Variants in RNF31 observed in about 807,000 individuals in gnomAD.
RNF31 encodes the protein E3 ubiquitin-protein ligase RNF31.
RNF31 carries 38 observed loss-of-function variants against 133.6 expected under a neutral mutation model. That is an observed-to-expected ratio of 0.28 (90% CI 0.22 to 0.37). The LOEUF (loss-of-function observed/expected upper bound fraction) is 0.37, where lower values mean the gene tolerates loss of function less well. Among genes scored for constraint, RNF31 ranks in the 10% least tolerant of loss-of-function variants. The pLI is 1.00. For missense variants in RNF31, 1,118 were observed against 1,394.1 expected, an observed-to-expected ratio of 0.80 and a Z score of 3.15; for synonymous variants, 582 against 552.3, an observed-to-expected ratio of 1.05 and a Z score of -0.75.
At chr14:24,157,746 A>G in intron 16 of RNF31, 108 bp downstream of exon 16, 2 of 1,134,804 alleles carry the variant, frequency 1.8e-6, no homozygotes, top group Non-Finnish European at 2.7e-6. Context: ...GGTCAACGGG[A>G]TGTAAAGCAC....
At chr14:24,159,032 CAAAAAAAAAA>C (rs529900287) in intron 18 of RNF31, among the ~76,000 whole-genome samples, 9 of 54,430 alleles carry the variant, frequency 1.7e-4, no homozygotes, top group East Asian at 5.3e-4. Flanking sequence ...GACTTCGTCT[CAAAAAAAAAA>C]AAAAAAAAAA....
At chr14:24,154,801 AC>A (rs1263876755) in intron 11 of RNF31, among the ~76,000 whole-genome samples, 1 of 152,112 alleles carries the variant, frequency 6.6e-6, no homozygotes, top group Non-Finnish European at 1.5e-5. Context: ...TCTCTCATGT[AC>A]CTCTTTAGTT....
intron 18 of RNF31, 104 bp downstream of exon 18, chr14:24,158,303 C>T: frequency 9.0e-7 from 1 of 1,111,210 alleles, no homozygotes; most frequent in Non-Finnish European, 1.3e-6. Flanking sequence ...TGTTGCATGC[C>T]CTTTGGCAAG....
At chr14:24,154,808 T>A (rs1224120921) in intron 11 of RNF31, among the ~76,000 whole-genome samples, 1 of 152,226 alleles carries the variant, frequency 6.6e-6, no homozygotes, top group Non-Finnish European at 1.5e-5. Context: ...TGTACCTCTT[T>A]AGTTATACCC....
Position 24,155,860 on chromosome 14 carries a change from G to A in RNF31, c.2493+168G>A, listed in dbSNP as rs796314235. 2.6e-5 allele frequency among the ~76,000 whole-genome samples: 4 copies of A among 152,262 alleles called. No individual in the cohort carries two copies. Among genetic ancestry groups the A allele is most frequent in the African/African-American group, 9.6e-5 (4 of 41,540 alleles). On this transcript the variant is annotated intron_variant, in intron 14 of 20. Coordinates refer to ENST00000324103, the MANE Select transcript of RNF31 (RefSeq NM_017999.5). The surrounding 1 kb of genome is among the most constrained non-coding windows in gnomAD (Gnocchi z 4.9). ...GGCACAAGGAGAAAGGGAAGCAGAG[G>A]GAGGGAGGAAATCGGGAGGGAAAGG...
rs143624953 is a variant in RNF31, at chr14:24,153,629, C to T, written c.2131-1528C>T. Among the ~76,000 whole-genome samples the T allele has an allele frequency of 1.0e-2, 1,516 of 151,694 alleles. 30 individuals carry two copies. Among genetic ancestry groups the T allele is most frequent in the African/African-American group, 0.035 (1,447 of 41,400 alleles). Reference sequence around the variant, plus strand: ...AATAAAATACATAAAGTTGGCCAGGCGCAGTGGCTCATACCTGTAATCCTA... The same window carrying T: ...AATAAAATACATAAAGTTGGCCAGGTGCAGTGGCTCATACCTGTAATCCTA... On this transcript the variant is annotated intron_variant, in intron 11 of 20. Transcript: ENST00000324103.
Position 24,160,575 on chromosome 14 carries a change from T to TG in RNF31, c.*3dup, listed in dbSNP as rs1349744414. ...AGTATCCCCCGCAGGCGGAAGTAGC[T>TG]GAGGGCAAGGGTCCCGATGAGGGTC... On this transcript the variant is annotated 3_prime_UTR_variant, in exon 21 of 21. Transcript: ENST00000324103. The surrounding 1 kb of genome is among the most constrained non-coding windows in gnomAD (Gnocchi z 4.0). The TG allele has an allele frequency of 6.5e-7, 1 of 1,529,862 alleles. No individual in the cohort carries two copies. The highest frequency in any genetic ancestry group is 2.1e-5 in the Admixed American group (1 of 48,184). The allele number at this position is 1,529,862 out of a possible 1,614,324, so 94.8% of individuals were successfully genotyped here. A position where few individuals can be genotyped will look rare whatever the true frequency, so the allele number is the denominator to read the frequency against.
rs1053793937 is a variant in RNF31, at chr14:24,156,872, C to A, written c.2494-418C>A. Among the ~76,000 whole-genome samples, 11 of 152,088 alleles carry A rather than the reference C, an allele frequency of 7.2e-5. 1 individual carries two copies. The highest frequency in any genetic ancestry group is 1.9e-4 in the East Asian group (1 of 5,188). On this transcript the variant is annotated intron_variant, in intron 14 of 20. Transcript: ENST00000324103. ...TGAACACCTGAGACTACCACAGAAC[C>A]AAAACACCACCAATCCTGTGGAAGC...
intron 16 of RNF31, 27 bp from the exon 17 acceptor site, chr14:24,157,871 C>G: frequency 6.3e-7 from 1 of 1,595,506 alleles, no homozygotes; most frequent in Non-Finnish European, 8.6e-7. Context: ...TCTCCAACTT[C>G]CTCTCTCCCA....
Position 24,150,688 on chromosome 14 carries a change from G to C in RNF31, c.1288G>C (p.Val430Leu). Reference sequence around the variant, plus strand: ...CAACTCGAGCCCTGGCTGGGTGTGTGTTATGTGCAACCGGACTAGTAGCCC... The same window carrying C: ...CAACTCGAGCCCTGGCTGGGTGTGTCTTATGTGCAACCGGACTAGTAGCCC... ...FCNSSPGWVC[V>L]MCNRTSSPIP... Residue 430 changes from valine (V) to leucine (L), a missense_variant, in exon 8 of 21, where the codon GTT (valine) becomes CTT (leucine). Physicochemically the swap from Val to Leu is conservative, Grantham distance 32. This residue lies in a region of RNF31 where 747 missense variants were observed against 827.9 expected (regional missense o/e 0.90). Transcript: ENST00000324103. 1 of 1,614,202 alleles carries C rather than the reference G, an allele frequency of 6.2e-7. No individual in the cohort carries two copies. Among genetic ancestry groups the C allele is most frequent in the Non-Finnish European group, 8.5e-7 (1 of 1,180,036 alleles).
Position 24,147,659 on chromosome 14 carries a change from C to G in RNF31, c.-40C>G, listed in dbSNP as rs2038189113. The G allele has an allele frequency of 7.3e-7, 1 of 1,373,600 alleles. No individual in the cohort carries two copies. The highest frequency in any genetic ancestry group is 3.8e-5 in the Admixed American group (1 of 26,576). 85.1% of individuals were successfully genotyped at this position (1,373,600 alleles called of 1,614,324 possible). A position where few individuals can be genotyped will look rare whatever the true frequency, so the allele number is the denominator to read the frequency against. ...GGGCCGCGCGCTGCCCGCGCCGGGT[C>G]CTGGCGGGCGGCGAGGCTGGGGCTG... On this transcript the variant is annotated 5_prime_UTR_variant, in exon 1 of 21. Coordinates refer to ENST00000324103, the MANE Select transcript of RNF31 (RefSeq NM_017999.5).
chr14:24,147,539 G>T lies in RNF31; in HGVS notation c.-160G>T. 5 of 547,500 alleles carry T rather than the reference G, an allele frequency of 9.1e-6. 1 individual carries two copies. The South Asian group carries it at 1.6e-4, about 17-fold the overall frequency. 33.9% of individuals were successfully genotyped at this position (547,500 alleles called of 1,614,324 possible). A position where few individuals can be genotyped will look rare whatever the true frequency, so the allele number is the denominator to read the frequency against. On this transcript the variant is annotated 5_prime_UTR_variant, in exon 1 of 21. Transcript: ENST00000324103. ...TCGGCTAACCCTGGCGCTGGGCCGG[G>T]GGCTGGAGAGTGACCGTGGTCTGAG...
chr14:24,160,157 G>A lies in RNF31; in HGVS notation c.2997-82G>A. Reference sequence around the variant, plus strand: ...TGGGTTGTTAATCTTGTTCGTCCAGGTGTCTCAGAGTCCAGCTATGTTAGA... The same window carrying A: ...TGGGTTGTTAATCTTGTTCGTCCAGATGTCTCAGAGTCCAGCTATGTTAGA... On this transcript the variant is annotated intron_variant, in intron 19 of 20. Coordinates refer to ENST00000324103, the MANE Select transcript of RNF31 (RefSeq NM_017999.5). The surrounding 1 kb of genome is among the most constrained non-coding windows in gnomAD (Gnocchi z 4.0). 1.8e-5 allele frequency: 27 copies of A among 1,493,722 alleles called. No individual in the cohort carries two copies. The highest frequency in any genetic ancestry group is 2.4e-5 in the Non-Finnish European group (26 of 1,099,994). The allele number at this position is 1,493,722 out of a possible 1,614,324, so 92.5% of individuals were successfully genotyped here.
At chr14:24,156,853 C>G (rs528716454) in intron 14 of RNF31, among the ~76,000 whole-genome samples, 30 of 152,052 alleles carry the variant, frequency 2.0e-4, no homozygotes, top group African/African-American at 2.9e-4. Context: ...AAAGTGAACA[C>G]CTGAGACTAC....
chr14:24,151,462 C>G lies in RNF31; in HGVS notation c.1738-23C>G, dbSNP rs756692478. 6.2e-7 allele frequency: 1 copy of G among 1,613,652 alleles called. No homozygotes were observed. Among genetic ancestry groups the G allele is most frequent in the African/African-American group, 1.3e-5 (1 of 74,914 alleles). On this transcript the variant is annotated intron_variant, in intron 9 of 20. Transcript: ENST00000324103. The surrounding 1 kb of genome is among the most constrained non-coding windows in gnomAD (Gnocchi z 5.3). The stretch of plus-strand genomic sequence containing the variant: ...CTTGCTTGCTTTCCCACTTCATTCC[C>G]CCTTGCCACTCCCATCTTGCAGGTG...
Position 24,158,345 on chromosome 14 carries a change from CT to C in RNF31, c.2899+147del, listed in dbSNP as rs2038378331. On this transcript the variant is annotated intron_variant, in intron 18 of 20. Transcript: ENST00000324103. ...GAGACCCAAGGCCTTGTTTCTTCCG[CT>C]GTAAAATGGAGGTAGTATCCACCTT... The C allele has an allele frequency of 7.0e-6, 5 of 711,248 alleles. No homozygotes were observed. The Admixed American group carries it at 1.1e-4, about 16-fold the overall frequency. 44.1% of individuals were successfully genotyped at this position (711,248 alleles called of 1,614,324 possible). A position where few individuals can be genotyped will look rare whatever the true frequency, so the allele number is the denominator to read the frequency against.
chr14:24,151,794 C>T lies in RNF31; in HGVS notation c.1932C>T (p.Val644=). 6.2e-7 allele frequency: 1 copy of T among 1,609,342 alleles called. No individual in the cohort carries two copies. Among genetic ancestry groups the T allele is most frequent in the Non-Finnish European group, 8.5e-7 (1 of 1,177,172 alleles). The change falls in exon 11 of 21, where the codon GTC becomes GTT. Residue 644 remains valine, a synonymous_variant. Coordinates refer to ENST00000324103, the MANE Select transcript of RNF31 (RefSeq NM_017999.5). This position sits in a 1 kb window ranked among gnomAD's most constrained non-coding sequence, Gnocchi z 5.3. ...CCTGAATCATATTGCAGAGCCTGGT[C>T]AGGCGGCTTTTGGCAGTCTACGCAC... ...SWDGPDKQSL[V]RRLLAVYALP...
chr14:24,151,723 G>T lies in RNF31; in HGVS notation c.1923+53G>T. 1 of 1,602,526 alleles carries T rather than the reference G, an allele frequency of 6.2e-7. No homozygotes were observed. ...GGTCCACCTAGAGGAGCAAGAGGGAGCTGAGGGGAAGGGTCCCTGGAGTCT... is the reference window on the plus strand; with the variant it reads ...GGTCCACCTAGAGGAGCAAGAGGGATCTGAGGGGAAGGGTCCCTGGAGTCT... On this transcript the variant is annotated intron_variant, in intron 10 of 20. Coordinates refer to ENST00000324103, the MANE Select transcript of RNF31 (RefSeq NM_017999.5). The surrounding 1 kb of genome is among the most constrained non-coding windows in gnomAD (Gnocchi z 5.3).
intron 18 of RNF31, 75 bp downstream of exon 18, chr14:24,158,274 G>T: frequency 1.4e-6 from 2 of 1,432,576 alleles, no homozygotes; most frequent in Non-Finnish European, 2.0e-6. Flanking sequence ...TAAAGGGGAG[G>T]CTTGGGTCTG....
Sources: gnomAD v4.1 joint callset for allele counts (sites outside exome capture counted in the v4.1 genomes callset) on GRCh38, gnomAD v4.1.1 for gene constraint, gnomAD v4.1.1 regional missense constraint, Gnocchi (gnomAD v3.1) non-coding constraint, MANE v1.5 for transcripts, NCBI Gene and HGNC (gene_info 2026-07-23, HGNC 2026-07-21) for gene names.